Variants in ACAP2 observed in about 807,000 individuals in gnomAD.
ACAP2 encodes the protein arf-GAP with coiled-coil, ANK repeat and PH domain-containing protein 2.
A neutral mutation model predicts 115.8 loss-of-function variants in ACAP2; 39 were observed. That is an observed-to-expected ratio of 0.34 (90% CI 0.26 to 0.44). ACAP2 has a LOEUF of 0.44. Among genes scored for constraint, ACAP2 ranks in the 20% least tolerant of loss-of-function variants. The pLI is 1.00. For missense variants in ACAP2, 662 were observed against 927.6 expected (o/e 0.71, Z 3.72); for synonymous variants, 289 against 315.8 (o/e 0.92, Z 0.90).
At chr3:195,336,834 C>A (rs975919672) in intron 7 of ACAP2, 98 bp downstream of exon 7, 27 of 951,468 alleles carry the variant, frequency 2.8e-5, no homozygotes, top group Admixed American at 1.7e-4. Context: ...CAATTATAAA[C>A]CTTATCATGT....
intron 4 of ACAP2, among the ~76,000 whole-genome samples, chr3:195,376,854 G>C (rs1029274546): frequency 6.6e-6 from 1 of 152,146 alleles, no homozygotes; most frequent in African/African-American, 2.4e-5. Flanking sequence ...AAGCCCAACT[G>C]TTATGAGCTC....
At chr3:195,397,507 A>C (rs1711894376) in intron 1 of ACAP2, among the ~76,000 whole-genome samples, 1 of 152,208 alleles carries the variant, frequency 6.6e-6, no homozygotes, top group African/African-American at 2.4e-5. Flanking sequence ...ATACTTTTAT[A>C]ATGTGAATGG....
At chr3:195,403,246 C>T (rs1290140629) in intron 1 of ACAP2, among the ~76,000 whole-genome samples, 4 of 152,106 alleles carry the variant, frequency 2.6e-5, no homozygotes, top group African/African-American at 4.8e-5. Context: ...CGAAACAGAA[C>T]CAGAAAGGGA....
chr3:195,438,683 T>C (rs1055034323), intron 1 of ACAP2, among the ~76,000 whole-genome samples: 7 of 152,076 alleles, frequency 4.6e-5, no homozygotes, highest in Non-Finnish European at 7.4e-5. Flanking sequence ...ACAGCCTGGA[T>C]AACAAGTAAG....
At chr3:195,423,133 C>T (rs181446882) in intron 1 of ACAP2, among the ~76,000 whole-genome samples, 411 of 151,804 alleles carry the variant, frequency 2.7e-3, no homozygotes, top group African/African-American at 9.4e-3. Flanking sequence ...TTACGAGCTG[C>T]AGGTCAAACT....
At chr3:195,288,275 CT>C (rs1417969467) in intron 21 of ACAP2, among the ~76,000 whole-genome samples, 6 of 152,182 alleles carry the variant, frequency 3.9e-5, no homozygotes, top group African/African-American at 1.4e-4. Flanking sequence ...GGCTTGGCTT[CT>C]TTTTCTATAA....
intron 1 of ACAP2, among the ~76,000 whole-genome samples, chr3:195,397,411 A>G (rs530357615): frequency 1.3e-5 from 2 of 152,288 alleles, no homozygotes; most frequent in South Asian, 4.1e-4. Context: ...GTCCTATACC[A>G]ATGAGATTAC....
chr3:195,408,351 C>T (rs1203180878), intron 1 of ACAP2, among the ~76,000 whole-genome samples: 1 of 152,056 alleles, frequency 6.6e-6, no homozygotes, highest in Non-Finnish European at 1.5e-5. Context: ...GTAGTCACAG[C>T]TACACGGGAG....
chr3:195,363,872 C>A (rs1732536823), intron 4 of ACAP2, among the ~76,000 whole-genome samples: 1 of 152,202 alleles, frequency 6.6e-6, no homozygotes, highest in African/African-American at 2.4e-5. Flanking sequence ...AGGGAAAGGG[C>A]AGTCTGTTCA....
chr3:195,358,710 G>GTAAGAT lies in ACAP2; in HGVS notation c.286-13399_286-13394dup, dbSNP rs1732151953. Among the ~76,000 whole-genome samples the GTAAGAT allele has an allele frequency of 2.0e-5, 3 of 152,000 alleles. 1 individual carries two copies. The South Asian group carries it at 6.2e-4, about 31-fold the overall frequency. ...GAATAAAAAAGAATGAAGCATCCCT[G>GTAAGAT]TAAGATCTAGAAAACGGCCTCAATA... On this transcript the variant is annotated intron_variant, in intron 4 of 22. Coordinates refer to ENST00000326793, the MANE Select transcript of ACAP2 (RefSeq NM_012287.6).
At chr3:195,340,128 T>C (rs1353661698) in intron 6 of ACAP2, among the ~76,000 whole-genome samples, 2 of 151,222 alleles carry the variant, frequency 1.3e-5, no homozygotes, top group Non-Finnish European at 2.9e-5. Context: ...GAGAAGACTT[T>C]AATACTCCAG....
At chr3:195,369,390 A>G (rs572931814) in intron 4 of ACAP2, among the ~76,000 whole-genome samples, 1 of 152,234 alleles carries the variant, frequency 6.6e-6, no homozygotes, top group Non-Finnish European at 1.5e-5. Flanking sequence ...GTACTTGATA[A>G]GTTATTTTTT....
intron 22 of ACAP2, among the ~76,000 whole-genome samples, chr3:195,284,767 T>C (rs1726732664): frequency 6.6e-6 from 1 of 152,232 alleles, no homozygotes; most frequent in Non-Finnish European, 1.5e-5. Flanking sequence ...CCAAACCTAC[T>C]CATTGCAAAC....
chr3:195,350,237 G>GA (rs1194376278), intron 4 of ACAP2, among the ~76,000 whole-genome samples: 3 of 152,098 alleles, frequency 2.0e-5, no homozygotes, highest in African/African-American at 7.2e-5. Context: ...AAAGTTATAT[G>GA]AAAACATAAA....
intron 4 of ACAP2, among the ~76,000 whole-genome samples, chr3:195,357,146 C>T (rs1732026719): frequency 6.6e-6 from 1 of 151,814 alleles, no homozygotes; most frequent in African/African-American, 2.4e-5. Context: ...AAAGCTGAGC[C>T]CTTGGGCCTT....
intron 20 of ACAP2, 71 bp downstream of exon 20, chr3:195,291,634 GA>G (rs1348714458): frequency 9.0e-6 from 12 of 1,338,468 alleles, no homozygotes; most frequent in African/African-American, 1.5e-5. Flanking sequence ...TTTAACCTAA[GA>G]AAAACTAAAA....
At chr3:195,398,685 TC>T (rs1273346577) in intron 1 of ACAP2, among the ~76,000 whole-genome samples, 1 of 131,852 alleles carries the variant, frequency 7.6e-6, no homozygotes, top group Non-Finnish European at 1.6e-5. Flanking sequence ...AAATAAAATG[TC>T]TCTGCCTTCA....
At chr3:195,332,609 T>C (rs973609628) in intron 8 of ACAP2, among the ~76,000 whole-genome samples, 1 of 152,170 alleles carries the variant, frequency 6.6e-6, no homozygotes, top group South Asian at 2.1e-4. Flanking sequence ...CAAAATCTCA[T>C]CTTGAATTAT....
chr3:195,285,930 G>T, intron 21 of ACAP2, 73 bp from the exon 22 acceptor site: 1 of 1,081,030 alleles, frequency 9.3e-7, no homozygotes, highest in Non-Finnish European at 1.3e-6. Context: ...CTATAAACAG[G>T]TAATACATGT....
Sources: gnomAD v4.1 joint callset for allele counts (sites outside exome capture counted in the v4.1 genomes callset) on GRCh38, gnomAD v4.1.1 for gene constraint, MANE v1.5 for transcripts, NCBI Gene and HGNC (gene_info 2026-07-23, HGNC 2026-07-21) for gene names.